ARHGAP15: variants seen among roughly 807,000 people sequenced by gnomAD.
ARHGAP15 encodes the protein Rho GTPase activating protein 15.
A neutral mutation model predicts 63.7 loss-of-function variants in ARHGAP15; 51 were observed. The observed-to-expected ratio is 0.80, with a 90% CI of 0.64 to 1.01. The LOEUF (loss-of-function observed/expected upper bound fraction) is 1.01, where lower values mean the gene tolerates loss of function less well. ARHGAP15 is among the 50% of genes least tolerant of loss of function. The pLI is 0.00. For missense variants in ARHGAP15, 560 were observed against 564.6 expected, an observed-to-expected ratio of 0.99 and a Z score of 0.08; for synonymous variants, 191 against 193.8, an observed-to-expected ratio of 0.99 and a Z score of 0.12.
At chr2:143,566,152 G>T (rs1696213597) in intron 11 of ARHGAP15, among the ~76,000 whole-genome samples, 1 of 152,146 alleles carries the variant, frequency 6.6e-6, no homozygotes, top group African/African-American at 2.4e-5. Context: ...GTTAACAAAT[G>T]CAGGGCTAAA....
At chr2:143,307,015 T>C (rs1221361425) in intron 6 of ARHGAP15, among the ~76,000 whole-genome samples, 1 of 152,118 alleles carries the variant, frequency 6.6e-6, no homozygotes, top group African/African-American at 2.4e-5. Context: ...AGGGTCCTCG[T>C]CCAAACTCAC....
chr2:143,256,490 A>T (rs752892534), intron 6 of ARHGAP15, among the ~76,000 whole-genome samples: 4 of 152,060 alleles, frequency 2.6e-5, no homozygotes, highest in Admixed American at 6.6e-5. Flanking sequence ...TTAATCAATG[A>T]CATATTCAAA....
chr2:143,246,469 A>G (rs1034768914), intron 5 of ARHGAP15, among the ~76,000 whole-genome samples: 1 of 151,988 alleles, frequency 6.6e-6, no homozygotes, highest in Non-Finnish European at 1.5e-5. Context: ...TTCAGAGAGC[A>G]GTGGCAAGAG....
intron 12 of ARHGAP15, among the ~76,000 whole-genome samples, chr2:143,674,619 C>T (rs1470920991): frequency 2.6e-5 from 4 of 152,074 alleles, no homozygotes; most frequent in African/African-American, 9.7e-5. Flanking sequence ...TTCAGACTAC[C>T]CCAATAAAGT....
intron 8 of ARHGAP15, among the ~76,000 whole-genome samples, chr2:143,460,314 C>T (rs1001185745): frequency 2.6e-5 from 4 of 152,122 alleles, no homozygotes; most frequent in Non-Finnish European, 5.9e-5. Context: ...GGTTTGCTCA[C>T]ACGAATTTTT....
chr2:143,529,749 T>C (rs1474172115), intron 10 of ARHGAP15, among the ~76,000 whole-genome samples: 1 of 152,082 alleles, frequency 6.6e-6, no homozygotes. Flanking sequence ...AGAATCACCT[T>C]CTCCAAGGAA....
rs528790373 is a variant in ARHGAP15 at position 143,552,975 on chromosome 2, C to A, written c.926-3433C>A. On this transcript the variant is annotated intron_variant, in intron 10 of 13. Coordinates refer to ENST00000295095, the MANE Select transcript of ARHGAP15 (RefSeq NM_018460.4). ...TTATATTTCCAAAATAAGTAGTTTG[C>A]AATCCAGCAAGGATAATGTGGTCAT... 4.6e-5 allele frequency among the ~76,000 whole-genome samples: 7 copies of A among 152,258 alleles called. No individual in the cohort carries two copies. The East Asian group carries it at 1.4e-3, about 29-fold the overall frequency.
At chr2:143,289,939 GAATA>G (rs1365075778) in intron 6 of ARHGAP15, among the ~76,000 whole-genome samples, 1 of 152,118 alleles carries the variant, frequency 6.6e-6, no homozygotes, top group Non-Finnish European at 1.5e-5. Flanking sequence ...AATAAACTTT[GAATA>G]AATATCTAAA....
At chr2:143,425,659 A>C (rs1359156007) in intron 6 of ARHGAP15, among the ~76,000 whole-genome samples, 2 of 152,140 alleles carry the variant, frequency 1.3e-5, no homozygotes, top group East Asian at 3.9e-4. Flanking sequence ...CCACATTCTC[A>C]GAAGAAAATT....
chr2:143,601,465 C>A (rs1210149225), intron 11 of ARHGAP15: 2 of 152,086 alleles, frequency 1.3e-5, no homozygotes, highest in African/African-American at 4.8e-5. Flanking sequence ...GTCATAGTTT[C>A]AAATACACGA....
At chr2:143,363,420 G>A (rs1162768184) in intron 6 of ARHGAP15, among the ~76,000 whole-genome samples, 8 of 152,050 alleles carry the variant, frequency 5.3e-5, no homozygotes, top group African/African-American at 1.4e-4. Context: ...GCTTGAACCC[G>A]GGAGGTGGAG....
At chr2:143,322,872 T>C (rs1025856438) in intron 6 of ARHGAP15, among the ~76,000 whole-genome samples, 1 of 152,252 alleles carries the variant, frequency 6.6e-6, no homozygotes, top group Non-Finnish European at 1.5e-5. Flanking sequence ...AGCAACACTA[T>C]TCCATTTGCA....
chr2:143,255,367 A>G (rs185245781), intron 6 of ARHGAP15, among the ~76,000 whole-genome samples: 3 of 152,244 alleles, frequency 2.0e-5, no homozygotes, highest in Admixed American at 1.3e-4. Flanking sequence ...ATATTAAAAA[A>G]TAGATCTCGG....
chr2:143,156,493 A>G (rs2105012062), intron 2 of ARHGAP15, among the ~76,000 whole-genome samples: 1 of 152,040 alleles, frequency 6.6e-6, no homozygotes. Flanking sequence ...ACCCTGCAGA[A>G]ACATGTGAGC....
intron 12 of ARHGAP15, among the ~76,000 whole-genome samples, chr2:143,673,721 A>ATTGT (rs1682650527): frequency 1.5e-5 from 1 of 66,026 alleles, no homozygotes; most frequent in South Asian, 6.2e-4. Context: ...AAGGCCTTAT[A>ATTGT]TTGTGTGTGT....
rs11896630 is a variant in ARHGAP15, at chr2:143,724,685, A to G, written c.1244+21161A>G. On this transcript the variant is annotated intron_variant, in intron 13 of 13. Coordinates refer to ENST00000295095, the MANE Select transcript of ARHGAP15 (RefSeq NM_018460.4). ...AATTAGGTTTTTAGAGGAATATTTC[A>G]AACCATGAAAGTGCGTGCATTTACC... 3.1e-3 allele frequency among the ~76,000 whole-genome samples: 468 copies of G among 152,350 alleles called. 1 individual carries two copies. The highest frequency in any genetic ancestry group is 0.01 in the African/African-American group (433 of 41,584).
chr2:143,614,863 C>G (rs1021668965), intron 11 of ARHGAP15, among the ~76,000 whole-genome samples: 1 of 152,168 alleles, frequency 6.6e-6, no homozygotes, highest in Non-Finnish European at 1.5e-5. Flanking sequence ...GCATAGATAG[C>G]TAGGCATCAC....
intron 11 of ARHGAP15, among the ~76,000 whole-genome samples, chr2:143,617,234 A>G (rs1442076796): frequency 6.6e-6 from 1 of 152,204 alleles, no homozygotes; most frequent in Non-Finnish European, 1.5e-5. Context: ...TCACAAGTGT[A>G]GCATAGCCCT....
At chr2:143,540,149 T>C (rs935845443) in intron 10 of ARHGAP15, among the ~76,000 whole-genome samples, 8 of 152,202 alleles carry the variant, frequency 5.3e-5, no homozygotes, top group African/African-American at 1.4e-4. Context: ...CTTCTTTGTC[T>C]CTTTTGATCT....
Sources: allele counts gnomAD v4.1 joint callset (sites outside exome capture counted in the v4.1 genomes callset), GRCh38; gene constraint gnomAD v4.1.1; transcripts MANE v1.5; gene names NCBI Gene and HGNC (gene_info 2026-07-23, HGNC 2026-07-21).